The following KCTD16 variants were observed in gnomAD, a reference collection of about 807,000 sequenced individuals.
KCTD16 encodes potassium channel tetramerization domain containing 16, also known as BTB/POZ domain-containing protein KCTD16.
KCTD16 carries 13 observed loss-of-function variants against 33.2 expected under a neutral mutation model. The observed-to-expected ratio is 0.39, with a 90% CI of 0.25 to 0.62. The LOEUF is 0.62. Among genes scored for constraint, KCTD16 ranks in the 20% least tolerant of loss-of-function variants. The pLI is 0.50. For synonymous variants in KCTD16, 197 were observed against 195.3 expected (o/e 1.01, Z -0.07); for missense variants, 441 against 525.1 (o/e 0.84, Z 1.57).
chr5:144,309,137 C>T (rs1314895467), intron 3 of KCTD16, among the ~76,000 whole-genome samples: 5 of 152,066 alleles, frequency 3.3e-5, no homozygotes, highest in Non-Finnish European at 7.4e-5. Flanking sequence ...TGAAACAAAC[C>T]AATTAGCAGT....
At chr5:144,198,453 T>C (rs1752977343) in intron 2 of KCTD16, among the ~76,000 whole-genome samples, 1 of 152,224 alleles carries the variant, frequency 6.6e-6, no homozygotes, top group Admixed American at 6.5e-5. Flanking sequence ...AATAAAACAA[T>C]TCCATTTTGC....
At chr5:144,222,093 C>T (rs2126804439) in intron 3 of KCTD16, among the ~76,000 whole-genome samples, 1 of 151,610 alleles carries the variant, frequency 6.6e-6, no homozygotes, top group South Asian at 2.1e-4. Flanking sequence ...TCACCTTTGC[C>T]CATTTTTTGA....
chr5:144,401,658 T>C (rs1752707005), intron 3 of KCTD16, among the ~76,000 whole-genome samples: 1 of 152,226 alleles, frequency 6.6e-6, no homozygotes, highest in Non-Finnish European at 1.5e-5. Context: ...AACAAAAATA[T>C]GTCCAACTTG....
intron 3 of KCTD16, among the ~76,000 whole-genome samples, chr5:144,322,759 A>T (rs1297609461): frequency 6.6e-6 from 1 of 151,890 alleles, no homozygotes; most frequent in African/African-American, 2.4e-5. Flanking sequence ...TTCTGAACTC[A>T]TGAGCTTCCA....
intron 3 of KCTD16, among the ~76,000 whole-genome samples, chr5:144,262,517 A>G (rs1370750175): frequency 2.0e-5 from 3 of 152,228 alleles, no homozygotes; most frequent in East Asian, 1.9e-4. Context: ...TCTTTATCTA[A>G]TATCAGATGA....
chr5:144,335,402 G>T (rs1276838441), intron 3 of KCTD16, among the ~76,000 whole-genome samples: 1 of 152,200 alleles, frequency 6.6e-6, no homozygotes, highest in African/African-American at 2.4e-5. Flanking sequence ...AGTGGAGACT[G>T]GAGAACTATA....
At chr5:144,220,726 G>A (rs1294680212) in intron 3 of KCTD16, among the ~76,000 whole-genome samples, 1 of 152,170 alleles carries the variant, frequency 6.6e-6, no homozygotes, top group African/African-American at 2.4e-5. Context: ...TGGATCACTA[G>A]GTCAGGAGAT....
chr5:144,265,156 T>C (rs1755109431), intron 3 of KCTD16, among the ~76,000 whole-genome samples: 1 of 152,218 alleles, frequency 6.6e-6, no homozygotes. Context: ...GAGAAAATTA[T>C]CTACTTATGA....
intron 3 of KCTD16, among the ~76,000 whole-genome samples, chr5:144,212,106 A>T (rs1044408413): frequency 1.3e-5 from 2 of 152,148 alleles, no homozygotes; most frequent in Non-Finnish European, 2.9e-5. Flanking sequence ...CTGATGAAAA[A>T]CAAACCGCAG....
intron 3 of KCTD16, among the ~76,000 whole-genome samples, chr5:144,265,523 C>T (rs1026128029): frequency 6.6e-6 from 1 of 152,182 alleles, no homozygotes; most frequent in Admixed American, 6.5e-5. Flanking sequence ...AACTCCTGCC[C>T]ATGCCTCTGG....
intron 3 of KCTD16, among the ~76,000 whole-genome samples, chr5:144,464,782 C>T (rs760787131): frequency 3.3e-5 from 5 of 150,772 alleles, no homozygotes; most frequent in Admixed American, 1.3e-4. Flanking sequence ...TCTTCTTCCT[C>T]TTCTTCTTCT....
rs151058561 is a variant in KCTD16 at position 144,244,202 on chromosome 5, G to A, written c.832+36656G>A. On this transcript the variant is annotated intron_variant, in intron 3 of 3. Transcript: ENST00000512467. ...CTCAAAATCTCTTCTCAACATCTTGGCAATTTATTTTGGGATTGTCATGCT... is the reference window on the plus strand; with the variant it reads ...CTCAAAATCTCTTCTCAACATCTTGACAATTTATTTTGGGATTGTCATGCT... 4.2e-3 allele frequency among the ~76,000 whole-genome samples: 637 copies of A among 152,126 alleles called. 6 individuals carry two copies. The highest frequency in any genetic ancestry group is 0.015 in the African/African-American group (610 of 41,492).
At chr5:144,203,399 A>G (rs1753086586) in intron 2 of KCTD16, among the ~76,000 whole-genome samples, 1 of 152,130 alleles carries the variant, frequency 6.6e-6, no homozygotes, top group South Asian at 2.1e-4. Context: ...CCGCCTCTCT[A>G]TTCCTATTCA....
chr5:144,354,571 GA>G (rs1751529518), intron 3 of KCTD16, among the ~76,000 whole-genome samples: 1 of 151,910 alleles, frequency 6.6e-6, no homozygotes, highest in Non-Finnish European at 1.5e-5. Flanking sequence ...AACACACATG[GA>G]AACAATAATA....
chr5:144,255,915 G>A (rs1251953424), intron 3 of KCTD16, among the ~76,000 whole-genome samples: 1 of 152,172 alleles, frequency 6.6e-6, no homozygotes, highest in African/African-American at 2.4e-5. Flanking sequence ...TAAGTGACTA[G>A]TTGAGATTAC....
intron 3 of KCTD16, among the ~76,000 whole-genome samples, chr5:144,365,885 A>G (rs1213204417): frequency 2.0e-5 from 3 of 152,192 alleles, no homozygotes; most frequent in Non-Finnish European, 1.5e-5. Context: ...TGGTGAAGAA[A>G]TGTGTGACTA....
intron 3 of KCTD16, among the ~76,000 whole-genome samples, chr5:144,260,569 A>G (rs991354641): frequency 1.3e-5 from 2 of 152,198 alleles, no homozygotes; most frequent in Non-Finnish European, 2.9e-5. Context: ...AATCCTTCCT[A>G]TTATTTCTGA....
At chr5:144,193,644 T>G (rs1011946303) in intron 2 of KCTD16, among the ~76,000 whole-genome samples, 1 of 152,178 alleles carries the variant, frequency 6.6e-6, no homozygotes, top group African/African-American at 2.4e-5. Context: ...GGAAGTTCCA[T>G]GATGGCAAAG....
At chr5:144,193,833 G>A (rs986470502) in intron 2 of KCTD16, among the ~76,000 whole-genome samples, 5 of 152,204 alleles carry the variant, frequency 3.3e-5, no homozygotes, top group Non-Finnish European at 7.3e-5. Flanking sequence ...AGTAGAGAAA[G>A]TGGGTAGACT....
Sources: gnomAD v4.1 joint callset for allele counts (sites outside exome capture counted in the v4.1 genomes callset) on GRCh38, gnomAD v4.1.1 for gene constraint, MANE v1.5 for transcripts, NCBI Gene and HGNC (gene_info 2026-07-23, HGNC 2026-07-21) for gene names.